Variants in UBASH3A observed in about 807,000 individuals in gnomAD.
UBASH3A encodes ubiquitin-associated and SH3 domain-containing protein A.
Under a neutral mutation model 73.5 loss-of-function variants are expected in UBASH3A, and 63 were observed. The observed-to-expected ratio is 0.86, with a 90% confidence interval of 0.70 to 1.06. The LOEUF is 1.06. UBASH3A is among the 50% of genes least tolerant of loss of function. The probability of loss-of-function intolerance (pLI) is 0.00; values close to 1 mark genes in which losing one functional copy is unlikely to be tolerated. For missense variants in UBASH3A, 860 were observed against 859.0 expected (o/e 1.00, Z -0.02); for synonymous variants, 363 against 351.1 (o/e 1.03, Z -0.38).
At chr21:42,406,273 G>C (rs776368528) in intron 1 of UBASH3A, 35 bp from the exon 2 acceptor site, 1 of 1,599,542 alleles carries the variant, frequency 6.3e-7, no homozygotes, top group Non-Finnish European at 8.6e-7. Context: ...AAGAATGGGC[G>C]ACGTGACTTT....
At chr21:42,415,479 A>G (rs921574699) in intron 5 of UBASH3A, among the ~76,000 whole-genome samples, 6 of 152,086 alleles carry the variant, frequency 3.9e-5, no homozygotes, top group South Asian at 2.1e-4. Context: ...GTGAGCCCCA[A>G]CTTCGGGGCT....
intron 7 of UBASH3A, among the ~76,000 whole-genome samples, chr21:42,424,487 G>A (rs958613902): frequency 4.6e-5 from 7 of 152,166 alleles, no homozygotes; most frequent in South Asian, 4.1e-4. Context: ...ATGGAGGACC[G>A]TATTCACAAA....
At chr21:42,418,842 G>A (rs1016217598) in intron 7 of UBASH3A, among the ~76,000 whole-genome samples, 53 of 152,182 alleles carry the variant, frequency 3.5e-4, no homozygotes, top group Admixed American at 6.5e-4. Context: ...ATTTGAGATG[G>A]TAATCCCCAA....
At chr21:42,437,358 G>A (rs2053642961) in intron 10 of UBASH3A, 130 bp from the exon 11 acceptor site, 5 of 722,216 alleles carry the variant, frequency 6.9e-6, no homozygotes, top group Admixed American at 6.3e-5. Flanking sequence ...TGTGCAGGGT[G>A]TGTCACACCA....
chr21:42,405,359 A>T (rs2052947916), intron 1 of UBASH3A, among the ~76,000 whole-genome samples: 1 of 152,198 alleles, frequency 6.6e-6, no homozygotes, highest in Non-Finnish European at 1.5e-5. Flanking sequence ...TGGAACCCGA[A>T]CCAGCTTTCC....
chr21:42,406,442 AT>A, intron 2 of UBASH3A, 81 bp downstream of exon 2: 1 of 1,255,978 alleles, frequency 8.0e-7, no homozygotes, highest in South Asian at 1.2e-5. Context: ...ACCAGGGCTG[AT>A]ACCAGGAAGA....
At chr21:42,426,210 C>G (rs577686012) in intron 7 of UBASH3A, among the ~76,000 whole-genome samples, 82 of 152,256 alleles carry the variant, frequency 5.4e-4, no homozygotes, top group African/African-American at 1.9e-3. Context: ...GAGACCCACT[C>G]ACAGTGATGT....
chr21:42,409,991 T>A, intron 3 of UBASH3A: 1 of 683,490 alleles, frequency 1.5e-6, no homozygotes, highest in Non-Finnish European at 2.7e-6. Context: ...CTCACTCATC[T>A]TTGCACCCCC....
chr21:42,415,267 C>T (rs2053178608), intron 5 of UBASH3A, among the ~76,000 whole-genome samples: 2 of 152,184 alleles, frequency 1.3e-5, no homozygotes, highest in South Asian at 4.1e-4. Flanking sequence ...CACTCACTCG[C>T]ATGGCAAGGC....
intron 11 of UBASH3A, among the ~76,000 whole-genome samples, chr21:42,441,065 T>A (rs116842311): frequency 0.028 from 4,320 of 152,170 alleles, 95 homozygotes; most frequent in Middle Eastern, 0.044. Context: ...ATGATGATGA[T>A]GGTGATGATG....
In UBASH3A at chr21:42,423,855, A is replaced by G. The variant is rs374003733; in HGVS notation, c.1047-2842A>G. Among the ~76,000 whole-genome samples the G allele has an allele frequency of 2.0e-5, 3 of 152,240 alleles. 1 individual carries two copies. Among genetic ancestry groups the G allele is most frequent in the East Asian group, 1.9e-4 (1 of 5,166 alleles). ...GTTGTCTGATTGGTCCTGCTTTGGA[A>G]GCACCCTCATTGTGGCTGGGGGAGC... On this transcript the variant is annotated intron_variant, in intron 7 of 14. Coordinates refer to ENST00000319294, the MANE Select transcript of UBASH3A (RefSeq NM_018961.4).
intron 7 of UBASH3A, among the ~76,000 whole-genome samples, chr21:42,419,734 T>C (rs1039403935): frequency 1.3e-5 from 2 of 152,248 alleles, no homozygotes; most frequent in Non-Finnish European, 2.9e-5. Context: ...GATTTCATAA[T>C]GTTACGAAAG....
At chr21:42,423,505 C>A (rs955263303) in intron 7 of UBASH3A, among the ~76,000 whole-genome samples, 3 of 152,220 alleles carry the variant, frequency 2.0e-5, no homozygotes, top group African/African-American at 7.2e-5. Flanking sequence ...TATGCCCTAA[C>A]TAACCATCTC....
chr21:42,423,116 G>A (rs562363774), intron 7 of UBASH3A, among the ~76,000 whole-genome samples: 12 of 152,348 alleles, frequency 7.9e-5, no homozygotes, highest in African/African-American at 2.6e-4. Context: ...ACAAAGCCAG[G>A]GCTGAGGTTT....
rs2053444628 is a variant in UBASH3A at position 42,426,825 on chromosome 21, T to C, written c.1170+5T>C. ...AGCAGCTTACAGGCCTTGCAGGTAA[T>C]AGAACATTCCCTTTTTTCTTTTAAG... On this transcript the variant is annotated splice_donor_5th_base_variant and intron_variant, in intron 8 of 14. Coordinates refer to ENST00000319294, the MANE Select transcript of UBASH3A (RefSeq NM_018961.4). The C allele has an allele frequency of 6.2e-7, 1 of 1,612,848 alleles. No homozygotes were observed. The highest frequency in any genetic ancestry group is 1.1e-5 in the South Asian group (1 of 90,906).
intron 7 of UBASH3A, among the ~76,000 whole-genome samples, chr21:42,422,333 T>C (rs889885240): frequency 6.6e-6 from 1 of 152,254 alleles, no homozygotes; most frequent in African/African-American, 2.4e-5. Context: ...GCTTAAGAGA[T>C]GTCCAATAGC....
intron 7 of UBASH3A, among the ~76,000 whole-genome samples, chr21:42,420,189 G>C (rs1338747967): frequency 6.6e-6 from 1 of 152,044 alleles, no homozygotes; most frequent in Non-Finnish European, 1.5e-5. Flanking sequence ...GACCCCCACA[G>C]ATACCCAAAT....
intron 7 of UBASH3A, among the ~76,000 whole-genome samples, chr21:42,426,079 A>T (rs537282527): frequency 6.6e-6 from 1 of 152,284 alleles, no homozygotes; most frequent in African/African-American, 2.4e-5. Flanking sequence ...AGGCTGGCAG[A>T]TGGGAGACCC....
chr21:42,417,283 G>A (rs978795611), intron 6 of UBASH3A, among the ~76,000 whole-genome samples: 2 of 151,872 alleles, frequency 1.3e-5, no homozygotes, highest in Admixed American at 1.3e-4. Flanking sequence ...AATTAGCCGG[G>A]CGTGATGGCA....
Sources: gnomAD v4.1 joint callset for allele counts (sites outside exome capture counted in the v4.1 genomes callset) on GRCh38, gnomAD v4.1.1 for gene constraint, MANE v1.5 for transcripts, NCBI Gene and HGNC (gene_info 2026-07-23, HGNC 2026-07-21) for gene names.